Variants in GNAO1 observed in about 807,000 individuals in gnomAD.
GNAO1 encodes the protein guanine nucleotide-binding protein G(o) subunit alpha.
For missense variants in GNAO1, 166 were observed against 478.7 expected (o/e 0.35, Z 6.10); for synonymous variants, 164 against 180.7 (o/e 0.91, Z 0.74).
At chr16:56,210,501 A>G (rs2036375875) in intron 2 of GNAO1, among the ~76,000 whole-genome samples, 1 of 152,250 alleles carries the variant, frequency 6.6e-6, no homozygotes, top group African/African-American at 2.4e-5. Context: ...ATTGTCTTCC[A>G]AAATATATAG....
At chr16:56,342,967 G>T (rs1345969083) in intron 6 of GNAO1, among the ~76,000 whole-genome samples, 2 of 151,798 alleles carry the variant, frequency 1.3e-5, no homozygotes, top group African/African-American at 2.4e-5. Context: ...GCAAAAATTA[G>T]TGGGGCGTGG....
At chr16:56,192,704 C>G in intron 2 of GNAO1, 88 bp downstream of exon 2, 2 of 802,696 alleles carry the variant, frequency 2.5e-6, no homozygotes, top group Non-Finnish European at 4.4e-6. Context: ...ACATTGCTCT[C>G]CAGGCCTGTT....
At chr16:56,208,301 A>G (rs1466602693) in intron 2 of GNAO1, among the ~76,000 whole-genome samples, 2 of 152,136 alleles carry the variant, frequency 1.3e-5, no homozygotes, top group Admixed American at 6.6e-5. Context: ...TCATTGCTAT[A>G]TAGTATTCTT....
At chr16:56,331,185 C>T (rs767483320) in intron 4 of GNAO1, among the ~76,000 whole-genome samples, 9 of 152,206 alleles carry the variant, frequency 5.9e-5, no homozygotes, top group Non-Finnish European at 1.3e-4. Flanking sequence ...CAGCCCTTTA[C>T]AGGGGAGGGA....
chr16:56,206,324 T>TAA (rs562270212), intron 2 of GNAO1, among the ~76,000 whole-genome samples: 1,481 of 113,184 alleles, frequency 0.013, 30 homozygotes, highest in African/African-American at 0.046. Flanking sequence ...CATCTCAATT[T>TAA]AAAAAAAAAA....
chr16:56,227,395 G>A (rs2036541591), intron 2 of GNAO1, among the ~76,000 whole-genome samples: 2 of 152,128 alleles, frequency 1.3e-5, no homozygotes, highest in Non-Finnish European at 2.9e-5. Flanking sequence ...CAGGGAGTGA[G>A]CACCTGGTTC....
At chr16:56,270,500 G>C (rs1172150907) in intron 2 of GNAO1, 1 of 152,056 alleles carries the variant, frequency 6.6e-6, no homozygotes, top group Non-Finnish European at 1.5e-5. Context: ...CTCTGGAGAG[G>C]GACAGGTCTG....
At chr16:56,210,044 C>T (rs2036372499) in intron 2 of GNAO1, among the ~76,000 whole-genome samples, 1 of 152,150 alleles carries the variant, frequency 6.6e-6, no homozygotes. Flanking sequence ...TGTGCTCCAC[C>T]TGTTCTTTGT....
Position 56,281,867 on chromosome 16 carries a change from T to C in GNAO1, c.303+5795T>C, listed in dbSNP as rs540881891. 5.9e-5 allele frequency among the ~76,000 whole-genome samples: 9 copies of C among 152,352 alleles called. No individual in the cohort carries two copies. In the South Asian group the frequency reaches 6.2e-4, roughly 11 times the overall value. On this transcript the variant is annotated intron_variant, in intron 3 of 8. Coordinates refer to ENST00000262493, the MANE Select transcript of GNAO1 (RefSeq NM_020988.3). ...GGATGGGGAAAGCTTTGAACAAGCC[T>C]GTATTAATATAGTTCATCATACACA...
At chr16:56,195,472 A>T (rs966760945) in intron 2 of GNAO1, among the ~76,000 whole-genome samples, 6 of 152,262 alleles carry the variant, frequency 3.9e-5, no homozygotes, top group African/African-American at 1.4e-4. Flanking sequence ...TGAGATGGCC[A>T]CTTGACTGAG....
chr16:56,245,895 G>A (rs1435875200), intron 2 of GNAO1, among the ~76,000 whole-genome samples: 6 of 152,112 alleles, frequency 3.9e-5, no homozygotes, highest in Non-Finnish European at 2.9e-5. Flanking sequence ...TTTTAGGAGA[G>A]ACTAATGGGA....
intron 3 of GNAO1, among the ~76,000 whole-genome samples, chr16:56,304,164 G>A (rs1821663204): frequency 1.3e-5 from 2 of 152,172 alleles, no homozygotes; most frequent in Admixed American, 1.3e-4. Context: ...GAGGCTGGTG[G>A]GAGCCACACT....
At chr16:56,343,986 G>A in intron 6 of GNAO1, 1 of 1,604,768 alleles carries the variant, frequency 6.2e-7, no homozygotes, top group Non-Finnish European at 8.5e-7. Flanking sequence ...TGCCCTGCCT[G>A]GCCTGCCGCC....
rs1184271778 is a variant in GNAO1, at chr16:56,326,310, G to C, written c.304-2321G>C. 2.6e-5 allele frequency among the ~76,000 whole-genome samples: 4 copies of C among 152,210 alleles called. No individual in the cohort carries two copies. The highest frequency in any genetic ancestry group is 4.4e-5 in the Non-Finnish European group (3 of 68,038). ...CGGATGGTGGTTACCTTGCATTTTG[G>C]TTAGGAGAGTGGTCTGAGCAAAGTC... On this transcript the variant is annotated intron_variant, in intron 3 of 8. Transcript: ENST00000262493. This position sits in a 1 kb window ranked among gnomAD's most constrained non-coding sequence, Gnocchi z 4.8.
rs2037920882 is a variant in GNAO1, at chr16:56,351,499, A to G, written c.839A>G (p.Lys280Arg). ...NKKDLFGEKI[K>R]KSPLTICFPE... The stretch of plus-strand genomic sequence containing the variant: ...AAAGATCTCTTTGGCGAGAAGATCA[A>G]GAAGTCACCTTTGACCATCTGCTTT... The change falls in exon 7 of 9, where the codon AAG (lysine) becomes AGG (arginine). Residue 280 changes from lysine to arginine, a missense_variant. By Grantham distance (26) the Lys-to-Arg change is conservative (BLOSUM62 2). Transcript: ENST00000262493. The surrounding 1 kb of genome is among the most constrained non-coding windows in gnomAD (Gnocchi z 6.1). 6.2e-7 allele frequency: 1 copy of G among 1,613,550 alleles called. No individual in the cohort carries two copies. Among genetic ancestry groups the G allele is most frequent in the Non-Finnish European group, 8.5e-7 (1 of 1,179,600 alleles).
intron 3 of GNAO1, among the ~76,000 whole-genome samples, chr16:56,320,924 C>A (rs1269248616): frequency 1.3e-5 from 2 of 152,214 alleles, no homozygotes; most frequent in Non-Finnish European, 2.9e-5. Flanking sequence ...GCTACTGAAT[C>A]CCCCAGACTG....
rs1467793220 is a variant in GNAO1, at chr16:56,351,518, C to T, written c.858C>T (p.Ile286=). The T allele has an allele frequency of 1.9e-6, 3 of 1,613,112 alleles. No individual in the cohort carries two copies. Among genetic ancestry groups the T allele is most frequent in the Non-Finnish European group, 1.7e-6 (2 of 1,179,650 alleles). The change falls in exon 7 of 9, where the codon ATC becomes ATT. Residue 286 remains isoleucine (I), a synonymous_variant. Transcript: ENST00000262493. This position sits in a 1 kb window ranked among gnomAD's most constrained non-coding sequence, Gnocchi z 6.1. The part of the protein sequence containing the change: ...GEKIKKSPLT[I]CFPEYTGPNT... ...AGATCAAGAAGTCACCTTTGACCAT[C>T]TGCTTTCCTGAATACACAGGTGGGT... is the stretch of plus-strand genomic sequence containing the variant.
At chr16:56,343,818 G>C (rs537154549) in intron 6 of GNAO1, 3 of 1,557,568 alleles carry the variant, frequency 1.9e-6, no homozygotes, top group East Asian at 2.3e-5. Context: ...ACGAGAGCAA[G>C]AACAAGTCAG....
At chr16:56,273,884 C>G (rs541075310) in intron 2 of GNAO1, among the ~76,000 whole-genome samples, 3 of 152,142 alleles carry the variant, frequency 2.0e-5, no homozygotes, top group East Asian at 1.9e-4. Flanking sequence ...CTCTGGGAAG[C>G]GTTCAACTGA....
Sources: allele counts gnomAD v4.1 joint callset (sites outside exome capture counted in the v4.1 genomes callset), GRCh38; gene constraint gnomAD v4.1.1; non-coding constraint Gnocchi (gnomAD v3.1); transcripts MANE v1.5; gene names NCBI Gene and HGNC (gene_info 2026-07-23, HGNC 2026-07-21).